Variants in TST observed in about 807,000 individuals in gnomAD.
The protein encoded by TST is epididymis secretory sperm binding protein.
In TST, 22 loss-of-function variants were observed where a neutral mutation model predicts 20.4. The observed-to-expected ratio is 1.08, with a 90% CI of 0.77 to 1.54. TST has a LOEUF of 1.54. Among genes scored for constraint, TST ranks in the 40% most tolerant of loss-of-function variants. The probability of loss-of-function intolerance (pLI) is 0.00; values close to 1 mark genes in which losing one functional copy is unlikely to be tolerated. For synonymous variants in TST, 187 were observed against 173.8 expected, an observed-to-expected ratio of 1.08 and a Z score of -0.60; for missense variants, 392 against 405.2, an observed-to-expected ratio of 0.97 and a Z score of 0.28.
Position 37,018,280 on chromosome 22 carries a change from G to A in TST, c.453C>T (p.Ala151=), listed in dbSNP as rs61743068. 2 of 1,614,062 alleles carry A rather than the reference G, an allele frequency of 1.2e-6. No individual in the cohort carries two copies. The highest frequency in any genetic ancestry group is 8.5e-7 in the Non-Finnish European group (1 of 1,180,014). Residue 151 remains alanine (A), a synonymous_variant, in exon 2 of 3, where the codon GCC becomes GCT. Coordinates refer to ENST00000249042, the MANE Select transcript of TST (RefSeq NM_003312.6). ...VTSEPSRPEP[A]VFKATLDRSL... is the part of the protein sequence containing the mutation. ...AGCGGTCCAGTGTGGCTTTGAAGACGGCCGGTTCTGGGCGTGAGGGCTCGG... is the reference window on the plus strand; with the variant it reads ...AGCGGTCCAGTGTGGCTTTGAAGACAGCCGGTTCTGGGCGTGAGGGCTCGG...
intron 1 of TST, 148 bp downstream of exon 1, chr22:37,019,252 C>G (rs1460524175): frequency 6.4e-6 from 1 of 156,604 alleles, no homozygotes; most frequent in African/African-American, 2.4e-5. Context: ...TGCCCGAGTC[C>G]GGCCCGTAGC....
chr22:37,011,472 C>T lies in TST; in HGVS notation c.596-147G>A, dbSNP rs1922479178. On this transcript the variant is annotated intron_variant, in intron 2 of 2. Transcript: ENST00000249042. ...TGCTCTGCTTGGAGCTCAATTTATTCCCAGCCCCACCTATTATCATTTCTC... is the reference window on the plus strand; with the variant it reads ...TGCTCTGCTTGGAGCTCAATTTATTTCCAGCCCCACCTATTATCATTTCTC... 8 of 865,240 alleles carry T rather than the reference C, an allele frequency of 9.2e-6. No individual in the cohort carries two copies. The South Asian group carries it at 1.4e-4, about 16-fold the overall frequency. 53.6% of individuals were successfully genotyped at this position (865,240 alleles called of 1,614,324 possible).
In TST at chr22:37,018,772, A is replaced by T. The variant is rs1569163451; in HGVS notation, c.-21-19T>A. 4.9e-6 allele frequency: 7 copies of T among 1,435,816 alleles called. No individual in the cohort carries two copies. The highest frequency in any genetic ancestry group is 6.4e-6 in the Non-Finnish European group (7 of 1,094,900). 88.9% of individuals were successfully genotyped at this position (1,435,816 alleles called of 1,614,324 possible). A position where few individuals can be genotyped will look rare whatever the true frequency, so the allele number is the denominator to read the frequency against. On this transcript the variant is annotated intron_variant, in intron 1 of 2. Transcript: ENST00000249042. ...GTGTCACCTGGCACGGGTGGGAACC[A>T]GGAAAGAGAGACAGGCGTGAGGAAG...
Position 37,019,419 on chromosome 22 carries a change from G to A in TST, c.-41C>T, listed in dbSNP as rs1252279527. ...ACTCACTCGCCCCGGACGCCGCGCT[G>A]GCGCTCGCCCCGGCCGGCTGGAGAA... is the stretch of plus-strand genomic sequence containing the variant. On this transcript the variant is annotated 5_prime_UTR_variant, in exon 1 of 3. Coordinates refer to ENST00000249042, the MANE Select transcript of TST (RefSeq NM_003312.6). 6.6e-6 allele frequency: 1 copy of A among 151,604 alleles called. No homozygotes were observed. Among genetic ancestry groups the A allele is most frequent in the Non-Finnish European group, 1.5e-5 (1 of 67,932 alleles). 9.4% of individuals were successfully genotyped at this position (151,604 alleles called of 1,614,324 possible). A position where few individuals can be genotyped will look rare whatever the true frequency, so the allele number is the denominator to read the frequency against.
At chr22:37,019,010 T>C (rs1240731209) in intron 1 of TST, 4 of 366,554 alleles carry the variant, frequency 1.1e-5, no homozygotes, top group Middle Eastern at 7.3e-4. Flanking sequence ...GGACTCCAAG[T>C]AGGGGCGCTT....
chr22:37,016,036 C>A (rs1214861873), intron 2 of TST, among the ~76,000 whole-genome samples: 4 of 150,268 alleles, frequency 2.7e-5, no homozygotes, highest in Non-Finnish European at 5.9e-5. Context: ...CTCCACCTCC[C>A]GGGTTCAAGC....
At chr22:37,016,372 G>A (rs1477185032) in intron 2 of TST, among the ~76,000 whole-genome samples, 1 of 152,118 alleles carries the variant, frequency 6.6e-6, no homozygotes, top group Non-Finnish European at 1.5e-5. Context: ...AGGAGTGGCT[G>A]AGCTGAAATG....
Position 37,018,435 on chromosome 22 carries a change from C to T in TST, c.298G>A (p.Asp100Asn). The T allele has an allele frequency of 6.2e-7, 1 of 1,613,476 alleles. No homozygotes were observed. The highest frequency in any genetic ancestry group is 8.5e-7 in the Non-Finnish European group (1 of 1,179,998). The stretch of plus-strand genomic sequence containing the variant: ...TAGAAGCTGCCCAGGTGTTCACCAT[C>T]ATACACCACCACGTGCGTGTGGTTG... ...ISNHTHVVVY[D>N]GEHLGSFYAP... Residue 100 changes from aspartate (D) to asparagine (N), a missense_variant, in exon 2 of 3, where the codon GAT becomes AAT. Asp to Asn is a conservative substitution (Grantham distance 23, BLOSUM62 1). Coordinates refer to ENST00000249042, the MANE Select transcript of TST (RefSeq NM_003312.6).
intron 2 of TST, among the ~76,000 whole-genome samples, chr22:37,015,448 G>C (rs1361196610): frequency 1.3e-5 from 2 of 152,280 alleles, no homozygotes; most frequent in Admixed American, 6.5e-5. Context: ...CTCCTTTCAC[G>C]AACAACAGTT....
At chr22:37,017,435 A>T (rs1428450920) in intron 2 of TST, among the ~76,000 whole-genome samples, 2 of 152,318 alleles carry the variant, frequency 1.3e-5, no homozygotes, top group Non-Finnish European at 2.9e-5. Flanking sequence ...GTTTGAAACA[A>T]GGCAGCATTG....
At chr22:37,018,013 A>T in intron 2 of TST, 125 bp downstream of exon 2, 1 of 699,034 alleles carries the variant, frequency 1.4e-6, no homozygotes, top group South Asian at 2.3e-5. Flanking sequence ...CGATGGAAAG[A>T]CTGAGGCCTA....
chr22:37,020,173 A>G, upstream of TST: 1 of 352,784 alleles, frequency 2.8e-6, no homozygotes. Context: ...CAGAGGCCCC[A>G]GGAAGAGACA....
rs1254734791 is a variant in TST at position 37,011,016 on chromosome 22, G to C, written c.*11C>G. 1 of 1,600,802 alleles carries C rather than the reference G, an allele frequency of 6.2e-7. No homozygotes were observed. Among genetic ancestry groups the C allele is most frequent in the East Asian group, 2.2e-5 (1 of 44,638 alleles). On this transcript the variant is annotated 3_prime_UTR_variant, in exon 3 of 3. Transcript: ENST00000249042. The stretch of plus-strand genomic sequence containing the variant: ...CCGGCCGCAGTTACAGTAAGCAGAA[G>C]AGGTCACGGCTCAGGCCTTCTCAGA...
chr22:37,016,628 A>G (rs1346952723), intron 2 of TST, among the ~76,000 whole-genome samples: 1 of 152,012 alleles, frequency 6.6e-6, no homozygotes, highest in African/African-American at 2.4e-5. Flanking sequence ...AAGAGAACCA[A>G]TTCCACTGAT....
intron 2 of TST, among the ~76,000 whole-genome samples, chr22:37,016,361 G>A (rs149522170): frequency 1.3e-5 from 2 of 152,214 alleles, no homozygotes; most frequent in East Asian, 3.9e-4. Context: ...TCACTCCAAG[G>A]AGGAGTGGCT....
At chr22:37,011,442 A>C in intron 2 of TST, 117 bp from the exon 3 acceptor site, 2 of 1,140,468 alleles carry the variant, frequency 1.8e-6, no homozygotes, top group Non-Finnish European at 2.5e-6. Context: ...TAAAAATAAC[A>C]TCTTTGCTCT....
chr22:37,019,811 G>C (rs1922913782), upstream of TST: 1 of 1,155,394 alleles, frequency 8.7e-7, no homozygotes, highest in South Asian at 4.4e-5. Context: ...GCGGGCGCGG[G>C]GAGGGGGCGC....
intron 2 of TST, among the ~76,000 whole-genome samples, chr22:37,015,713 T>A (rs1219243867): frequency 1.3e-5 from 2 of 152,200 alleles, no homozygotes; most frequent in East Asian, 3.8e-4. Context: ...TGCCCCTGTG[T>A]GTTACATCTG....
chr22:37,011,347 G>C (rs2145893832), intron 2 of TST, 22 bp from the exon 3 acceptor site: 1 of 1,595,246 alleles, frequency 6.3e-7, no homozygotes, highest in East Asian at 2.3e-5. Flanking sequence ...AGAGGACACA[G>C]CTTAGGGGAT....
Sources: allele counts gnomAD v4.1 joint callset (sites outside exome capture counted in the v4.1 genomes callset), GRCh38; gene constraint gnomAD v4.1.1; transcripts MANE v1.5; gene names NCBI Gene and HGNC (gene_info 2026-07-23, HGNC 2026-07-21).